The following RAB21 variants were observed in gnomAD, a reference collection of about 807,000 sequenced individuals.
The protein encoded by RAB21 is ras-related protein Rab-21.
In RAB21, 13 loss-of-function variants were observed where a neutral mutation model predicts 33.1. The observed-to-expected ratio is 0.39, with a 90% confidence interval of 0.26 to 0.62. RAB21 has a LOEUF of 0.62. Among genes scored for constraint, RAB21 ranks in the 20% least tolerant of loss-of-function variants. RAB21 has a pLI of 0.48. For synonymous variants in RAB21, 91 were observed against 103.7 expected, an observed-to-expected ratio of 0.88 and a Z score of 0.74; for missense variants, 234 against 279.1, an observed-to-expected ratio of 0.84 and a Z score of 1.15.
Position 71,774,036 on chromosome 12 carries a change from C to A in RAB21, c.391+14C>A, listed in dbSNP as rs768615925. ...TATGTATAGTTGGTAAGCATCATTA[C>A]TTTTTTCTAAAAAAAAAGTCCTCTG... On this transcript the variant is annotated intron_variant, in intron 4 of 6. Coordinates refer to ENST00000261263, the MANE Select transcript of RAB21 (RefSeq NM_014999.4). 6.6e-6 allele frequency: 10 copies of A among 1,525,680 alleles called. No individual in the cohort carries two copies. The South Asian group carries it at 1.2e-4, about 19-fold the overall frequency. 94.5% of individuals were successfully genotyped at this position (1,525,680 alleles called of 1,614,324 possible). A position where few individuals can be genotyped will look rare whatever the true frequency, so the allele number is the denominator to read the frequency against.
In RAB21 at chr12:71,785,516, TTCTC is replaced by T; in HGVS notation, c.536-11_536-8del. 6.2e-7 allele frequency: 1 copy of T among 1,613,096 alleles called. No homozygotes were observed. The highest frequency in any genetic ancestry group is 1.1e-5 in the South Asian group (1 of 90,906). On this transcript the variant is annotated splice_polypyrimidine_tract_variant and intron_variant, in intron 6 of 6. Coordinates refer to ENST00000261263, the MANE Select transcript of RAB21 (RefSeq NM_014999.4). ...TATTGTGGTCCTAATAATGTTTGCT[TTCTC>T]TCTGTCTTAGGGATGATAGAAACAG...
Position 71,764,024 on chromosome 12 carries a change from G to A in RAB21, c.160-5776G>A, listed in dbSNP as rs532760666. Among the ~76,000 whole-genome samples, 12 of 152,174 alleles carry A rather than the reference G, an allele frequency of 7.9e-5. No homozygotes were observed. The South Asian group carries it at 2.5e-3, about 32-fold the overall frequency. ...TTCACAGAGTTGTTGAAAATTAAAT[G>A]AAAAAGCCCAAGCACAGTGCTTGGC... On this transcript the variant is annotated intron_variant, in intron 1 of 6. Transcript: ENST00000261263.
At position 71,788,900 on chromosome 12, in the gene RAB21, G is replaced by A. The variant is rs949327112; in HGVS notation, c.*3227G>A. 2.0e-5 allele frequency: 3 copies of A among 151,974 alleles called. No individual in the cohort carries two copies. The highest frequency in any genetic ancestry group is 4.4e-5 in the Non-Finnish European group (3 of 67,958). 9.4% of individuals were successfully genotyped at this position (151,974 alleles called of 1,614,324 possible). On this transcript the variant is annotated 3_prime_UTR_variant, in exon 7 of 7. Coordinates refer to ENST00000261263, the MANE Select transcript of RAB21 (RefSeq NM_014999.4). The stretch of plus-strand genomic sequence containing the variant: ...TAAGCAGTAATGTGAAAAGAAAAAA[G>A]CATTATGTTATTGTATGAAATATAA...
chr12:71,757,542 A>G (rs1285351728), intron 1 of RAB21, among the ~76,000 whole-genome samples: 1 of 152,276 alleles, frequency 6.6e-6, no homozygotes, highest in Non-Finnish European at 1.5e-5. Flanking sequence ...AAGTTATAGT[A>G]GATATCCAGT....
chr12:71,756,283 A>T (rs186682066), intron 1 of RAB21, among the ~76,000 whole-genome samples: 24 of 152,322 alleles, frequency 1.6e-4, no homozygotes, highest in African/African-American at 5.5e-4. Flanking sequence ...TAAAATGGCC[A>T]TAATAGTAGT....
intron 4 of RAB21, among the ~76,000 whole-genome samples, chr12:71,778,917 C>T (rs963871849): frequency 6.6e-6 from 1 of 152,196 alleles, no homozygotes; most frequent in South Asian, 2.1e-4. Flanking sequence ...CTGAAGCAGG[C>T]GGATCATTTG....
At chr12:71,771,505 A>G (rs1267463561) in intron 3 of RAB21, among the ~76,000 whole-genome samples, 2 of 152,338 alleles carry the variant, frequency 1.3e-5, no homozygotes, top group East Asian at 3.8e-4. Context: ...TAGAGCAGAT[A>G]TACAAGTTAG....
chr12:71,782,563 T>G lies in RAB21; in HGVS notation c.447-7T>G, dbSNP rs1883217881. Reference sequence around the variant, plus strand: ...TACATCAATCACCGATGTTACTTTTTTTTAAGGTATGCAGAATCTGTGGGA... The same window carrying G: ...TACATCAATCACCGATGTTACTTTTGTTTAAGGTATGCAGAATCTGTGGGA... On this transcript the variant is annotated splice_polypyrimidine_tract_variant and splice_region_variant and intron_variant, in intron 5 of 6. Coordinates refer to ENST00000261263, the MANE Select transcript of RAB21 (RefSeq NM_014999.4). The G allele has an allele frequency of 6.4e-7, 1 of 1,562,902 alleles. No individual in the cohort carries two copies. Among genetic ancestry groups the G allele is most frequent in the Non-Finnish European group, 8.7e-7 (1 of 1,149,400 alleles).
At chr12:71,784,240 G>T (rs1172230229) in intron 6 of RAB21, among the ~76,000 whole-genome samples, 1 of 152,000 alleles carries the variant, frequency 6.6e-6, no homozygotes, top group Non-Finnish European at 1.5e-5. Flanking sequence ...CTTTCTCTCA[G>T]TCTGTGTTGT....
At chr12:71,762,740 G>A (rs1452629457) in intron 1 of RAB21, among the ~76,000 whole-genome samples, 1 of 151,898 alleles carries the variant, frequency 6.6e-6, no homozygotes, top group Non-Finnish European at 1.5e-5. Flanking sequence ...CCACCATCAC[G>A]CCTGGCTAAT....
At position 71,774,108 on chromosome 12, in the gene RAB21, A is replaced by G. The variant is rs866467694; in HGVS notation, c.391+86A>G. The G allele has an allele frequency of 6.4e-5, 57 of 894,332 alleles. No individual in the cohort carries two copies. In the Middle Eastern group the frequency reaches 7.0e-4, roughly 11 times the overall value. 55.4% of individuals were successfully genotyped at this position (894,332 alleles called of 1,614,324 possible). On this transcript the variant is annotated intron_variant, in intron 4 of 6. Coordinates refer to ENST00000261263, the MANE Select transcript of RAB21 (RefSeq NM_014999.4). Reference sequence around the variant, plus strand: ...GACAAGTAATTTTTGTTTTAAAGTTATATGAGAAAGGAAGAATGGCATATT... The same window carrying G: ...GACAAGTAATTTTTGTTTTAAAGTTGTATGAGAAAGGAAGAATGGCATATT...
rs1255336781 is a variant in RAB21 at position 71,791,563 on chromosome 12, A to G, written c.*5890A>G. 1 of 152,182 alleles carries G rather than the reference A, an allele frequency of 6.6e-6. No individual in the cohort carries two copies. The highest frequency in any genetic ancestry group is 1.5e-5 in the Non-Finnish European group (1 of 68,036). 9.4% of individuals were successfully genotyped at this position (152,182 alleles called of 1,614,324 possible). A position where few individuals can be genotyped will look rare whatever the true frequency, so the allele number is the denominator to read the frequency against. On this transcript the variant is annotated 3_prime_UTR_variant, in exon 7 of 7. Transcript: ENST00000261263. ...ATAAACTAAAACAAGTCTTTATACA[A>G]CTCTGACAGCAACTCCCATAACAGG...
chr12:71,770,642 A>G lies in RAB21; in HGVS notation c.270A>G (p.Arg90=), dbSNP rs1883028862. The G allele has an allele frequency of 6.2e-7, 1 of 1,609,824 alleles. No individual in the cohort carries two copies. Among genetic ancestry groups the G allele is most frequent in the African/African-American group, 1.3e-5 (1 of 74,822 alleles). ...RFHALGPIYY[R]DSNGAILVYD... ...ATGCATTGGGTCCAATTTACTACAG[A>G]GATTCAAATGGAGCGATTTTAGTTT... The change falls in exon 3 of 7, where the codon AGA becomes AGG. Residue 90 remains arginine (R), a synonymous_variant. Coordinates refer to ENST00000261263, the MANE Select transcript of RAB21 (RefSeq NM_014999.4).
chr12:71,778,639 CAG>C (rs1191911172), intron 4 of RAB21, among the ~76,000 whole-genome samples: 3 of 152,120 alleles, frequency 2.0e-5, no homozygotes, highest in Non-Finnish European at 4.4e-5. Flanking sequence ...CTTGTCCTCC[CAG>C]AGTCTCTTGT....
intron 3 of RAB21, among the ~76,000 whole-genome samples, chr12:71,773,494 T>G (rs1431961181): frequency 6.7e-6 from 1 of 150,270 alleles, no homozygotes; most frequent in African/African-American, 2.5e-5. Context: ...CTAATTTTTT[T>G]TGGTGCTTAT....
intron 3 of RAB21, among the ~76,000 whole-genome samples, chr12:71,771,859 T>G (rs1012135153): frequency 1.3e-5 from 2 of 151,860 alleles, no homozygotes; most frequent in African/African-American, 4.8e-5. Context: ...GCCTATAATC[T>G]TAGCTACTTG....
intron 1 of RAB21, among the ~76,000 whole-genome samples, chr12:71,762,505 C>T: frequency 6.6e-6 from 1 of 151,528 alleles, no homozygotes; most frequent in Non-Finnish European, 1.5e-5. Context: ...CGGGGTTTCA[C>T]CGTGTTAGCC....
At chr12:71,777,333 T>A (rs556138755) in intron 4 of RAB21, among the ~76,000 whole-genome samples, 1 of 152,368 alleles carries the variant, frequency 6.6e-6, no homozygotes, top group Non-Finnish European at 1.5e-5. Flanking sequence ...TTTTTGACTT[T>A]ACATTATGTG....
At chr12:71,777,665 C>A (rs1158969966) in intron 4 of RAB21, among the ~76,000 whole-genome samples, 2 of 152,194 alleles carry the variant, frequency 1.3e-5, no homozygotes, top group African/African-American at 4.8e-5. Context: ...ACCTTTCAAG[C>A]ATTTGAAGAC....
Sources: gnomAD v4.1 joint callset for allele counts (sites outside exome capture counted in the v4.1 genomes callset) on GRCh38, gnomAD v4.1.1 for gene constraint, MANE v1.5 for transcripts, NCBI Gene and HGNC (gene_info 2026-07-23, HGNC 2026-07-21) for gene names.